Variants in ZNF385D observed in about 807,000 individuals in gnomAD.
ZNF385D encodes zinc finger protein 659.
A neutral mutation model predicts 35.8 loss-of-function variants in ZNF385D; 15 were observed. The observed-to-expected ratio is 0.42, with a 90% CI of 0.28 to 0.64. The LOEUF (loss-of-function observed/expected upper bound fraction) is 0.64, where lower values mean the gene tolerates loss of function less well. ZNF385D is among the 30% of genes least tolerant of loss of function. The probability of loss-of-function intolerance (pLI) is 0.23; values close to 1 mark genes in which losing one functional copy is unlikely to be tolerated. For synonymous variants in ZNF385D, 212 were observed against 186.8 expected, an observed-to-expected ratio of 1.13 and a Z score of -1.10; for missense variants, 474 against 494.6, an observed-to-expected ratio of 0.96 and a Z score of 0.39.
chr3:21,916,162 G>C (rs1240108031), intron 3 of ZNF385D, among the ~76,000 whole-genome samples: 1 of 151,976 alleles, frequency 6.6e-6, no homozygotes, highest in Non-Finnish European at 1.5e-5. Flanking sequence ...AACTCTATAG[G>C]TCATATTTTG....
intron 3 of ZNF385D, among the ~76,000 whole-genome samples, chr3:22,021,814 A>G (rs1697239484): frequency 6.6e-6 from 1 of 152,084 alleles, no homozygotes; most frequent in South Asian, 2.1e-4. Context: ...AGCTTCAGGA[A>G]TTACTGATGC....
chr3:21,571,199 ACCTGCTTT>A (rs1559417963), intron 2 of ZNF385D, among the ~76,000 whole-genome samples: 8 of 152,180 alleles, frequency 5.3e-5, no homozygotes, highest in Non-Finnish European at 8.8e-5. Flanking sequence ...TAGTATTTTT[ACCTGCTTT>A]TGCACTTCAT....
At chr3:22,299,705 C>A (rs1223696677) in intron 2 of ZNF385D, among the ~76,000 whole-genome samples, 2 of 151,440 alleles carry the variant, frequency 1.3e-5, no homozygotes, top group Non-Finnish European at 3.0e-5. Flanking sequence ...GAAAACGATC[C>A]CATTTAAAAT....
intron 3 of ZNF385D, among the ~76,000 whole-genome samples, chr3:22,030,492 A>G (rs1339942497): frequency 6.6e-6 from 1 of 151,072 alleles, no homozygotes; most frequent in Non-Finnish European, 1.5e-5. Flanking sequence ...AGAGAGAGAA[A>G]GAGAGTGAGA....
intron 3 of ZNF385D, among the ~76,000 whole-genome samples, chr3:21,990,451 G>A (rs192289778): frequency 6.6e-6 from 1 of 152,104 alleles, no homozygotes; most frequent in East Asian, 1.9e-4. Context: ...CCTTTATCAG[G>A]GTGATAAGGT....
At chr3:22,224,614 G>T (rs890352431) in intron 2 of ZNF385D, among the ~76,000 whole-genome samples, 1 of 152,154 alleles carries the variant, frequency 6.6e-6, no homozygotes. Flanking sequence ...TACAAGCTGG[G>T]AACCCAAGGA....
At chr3:22,195,052 C>T (rs186434497) in intron 2 of ZNF385D, among the ~76,000 whole-genome samples, 18 of 151,250 alleles carry the variant, frequency 1.2e-4, no homozygotes, top group African/African-American at 4.4e-4. Context: ...AAATTATTTT[C>T]CCCCCAAGAA....
intron 3 of ZNF385D, among the ~76,000 whole-genome samples, chr3:21,522,057 A>G (rs1247225705): frequency 7.2e-5 from 11 of 152,170 alleles, no homozygotes; most frequent in Non-Finnish European, 1.5e-5. Context: ...TTCTGTATAA[A>G]TCAATTCGGT....
chr3:21,824,421 CA>C (rs544866410), intron 3 of ZNF385D, among the ~76,000 whole-genome samples: 1 of 149,534 alleles, frequency 6.7e-6, no homozygotes, highest in East Asian at 2.0e-4. Context: ...TAATAAAAAA[CA>C]AAATCTTCTT....
At chr3:21,674,611 C>T (rs2125293952) in intron 1 of ZNF385D, among the ~76,000 whole-genome samples, 1 of 152,170 alleles carries the variant, frequency 6.6e-6, no homozygotes, top group East Asian at 1.9e-4. Context: ...CAAAGTATTA[C>T]TAAGAAAACC....
chr3:22,290,366 T>G (rs764019495), intron 2 of ZNF385D, among the ~76,000 whole-genome samples: 3 of 151,994 alleles, frequency 2.0e-5, no homozygotes, highest in Non-Finnish European at 2.9e-5. Flanking sequence ...TCAGGAGGGG[T>G]GCAGACTGAT....
At chr3:21,735,570 T>A (rs1412446448) in intron 1 of ZNF385D, among the ~76,000 whole-genome samples, 1 of 152,086 alleles carries the variant, frequency 6.6e-6, no homozygotes, top group East Asian at 1.9e-4. Flanking sequence ...GTCACCAGGA[T>A]GGGGGAGAAT....
chr3:22,368,836 T>C (rs932618308), intron 2 of ZNF385D, among the ~76,000 whole-genome samples: 2 of 152,194 alleles, frequency 1.3e-5, no homozygotes, highest in African/African-American at 2.4e-5. Flanking sequence ...ATTCAATCCA[T>C]AGCAGGAAGA....
At chr3:21,481,405 T>TC (rs755852795) in intron 4 of ZNF385D, among the ~76,000 whole-genome samples, 6 of 152,270 alleles carry the variant, frequency 3.9e-5, no homozygotes, top group Non-Finnish European at 8.8e-5. Flanking sequence ...TGTAAACCAT[T>TC]CCCCATACAC....
chr3:22,261,141 C>T (rs184817796), intron 2 of ZNF385D, among the ~76,000 whole-genome samples: 5 of 151,926 alleles, frequency 3.3e-5, no homozygotes, highest in Admixed American at 2.0e-4. Context: ...ACCGACCTAC[C>T]TTTCTACTCA....
At chr3:21,812,045 A>C (rs2072942786) in intron 3 of ZNF385D, among the ~76,000 whole-genome samples, 1 of 152,212 alleles carries the variant, frequency 6.6e-6, no homozygotes, top group Non-Finnish European at 1.5e-5. Context: ...CTAAATATAA[A>C]TATCAGTTTA....
intron 2 of ZNF385D, among the ~76,000 whole-genome samples, chr3:22,283,394 CTTT>C (rs1257950538): frequency 6.6e-6 from 1 of 152,102 alleles, no homozygotes; most frequent in East Asian, 1.9e-4. Context: ...TATTCAATTG[CTTT>C]TTGATTCAAT....
chr3:21,683,309 G>T (rs1009053736), intron 1 of ZNF385D, among the ~76,000 whole-genome samples: 3 of 149,630 alleles, frequency 2.0e-5, no homozygotes, highest in African/African-American at 7.4e-5. Flanking sequence ...TTACTTTTGT[G>T]ATTAGGTTAT....
chr3:21,890,133 A>C (rs1363035015), intron 3 of ZNF385D, among the ~76,000 whole-genome samples: 1 of 152,128 alleles, frequency 6.6e-6, no homozygotes, highest in East Asian at 1.9e-4. Context: ...TTTTGGGGAG[A>C]TGCAATTCAA....
Sources: gnomAD v4.1 joint callset for allele counts (sites outside exome capture counted in the v4.1 genomes callset) on GRCh38, gnomAD v4.1.1 for gene constraint, MANE v1.5 for transcripts, NCBI Gene and HGNC (gene_info 2026-07-23, HGNC 2026-07-21) for gene names.